FAM107B: variants seen among roughly 807,000 people sequenced by gnomAD.
FAM107B encodes protein FAM107B.
A neutral mutation model predicts 31.5 loss-of-function variants in FAM107B; 21 were observed. That is an observed-to-expected ratio of 0.67 (90% confidence interval 0.47 to 0.96). The LOEUF (loss-of-function observed/expected upper bound fraction) is 0.96, where lower values mean the gene tolerates loss of function less well. Ranked by LOEUF, FAM107B falls within the 40% of genes least tolerant of loss-of-function variation. The probability of loss-of-function intolerance (pLI) is 0.00; values close to 1 mark genes in which losing one functional copy is unlikely to be tolerated. For synonymous variants in FAM107B, 157 were observed against 141.5 expected (o/e 1.11, Z -0.78); for missense variants, 452 against 377.1 (o/e 1.20, Z -1.64).
chr10:14,672,953 C>G (rs1353174981), intron 1 of FAM107B, among the ~76,000 whole-genome samples: 1 of 152,132 alleles, frequency 6.6e-6, no homozygotes, highest in Non-Finnish European at 1.5e-5. Context: ...TTGTTGGAGA[C>G]AGAAATAGAA....
rs375601528 is a variant in FAM107B, at chr10:14,596,711, C to T, written c.470-66196G>A. 5.3e-5 allele frequency among the ~76,000 whole-genome samples: 8 copies of T among 152,270 alleles called. No individual in the cohort carries two copies. The East Asian group carries it at 5.8e-4, about 11-fold the overall frequency. The stretch of plus-strand genomic sequence containing the variant: ...GCACAGAATAACAGAATTCACCCAC[C>T]GCAGCAGGAACCTGAAAGATGATGT... On this transcript the variant is annotated intron_variant, in intron 2 of 4. Transcript: ENST00000181796.
At chr10:14,694,804 G>T (rs562668123) in intron 1 of FAM107B, among the ~76,000 whole-genome samples, 1 of 152,284 alleles carries the variant, frequency 6.6e-6, no homozygotes, top group African/African-American at 2.4e-5. Context: ...CATTTCTTTG[G>T]AGAAATGTCT....
intron 2 of FAM107B, among the ~76,000 whole-genome samples, chr10:14,604,617 G>A (rs1197840155): frequency 6.6e-6 from 1 of 151,922 alleles, no homozygotes; most frequent in Non-Finnish European, 1.5e-5. Context: ...CTCGGTGGGA[G>A]CGAGGGCTGG....
chr10:14,760,722 C>T (rs1354218415), intron 1 of FAM107B, among the ~76,000 whole-genome samples: 1 of 152,036 alleles, frequency 6.6e-6, no homozygotes, highest in Non-Finnish European at 1.5e-5. Flanking sequence ...TAATCTTGCA[C>T]TTAATGGGTT....
At chr10:14,581,825 T>A (rs1378325186) in intron 2 of FAM107B, among the ~76,000 whole-genome samples, 1 of 151,980 alleles carries the variant, frequency 6.6e-6, no homozygotes, top group African/African-American at 2.4e-5. Context: ...ATCACTTGAG[T>A]CCAGGAGTCC....
At chr10:14,735,037 G>A (rs1856266915) in intron 1 of FAM107B, among the ~76,000 whole-genome samples, 1 of 152,208 alleles carries the variant, frequency 6.6e-6, no homozygotes, top group Non-Finnish European at 1.5e-5. Context: ...TGTCCAGCAA[G>A]ATGTCATCCA....
chr10:14,536,913 A>C (rs1847673903), intron 2 of FAM107B, among the ~76,000 whole-genome samples: 1 of 152,212 alleles, frequency 6.6e-6, no homozygotes, highest in African/African-American at 2.4e-5. Context: ...GAAAGTATCA[A>C]ACTCATTTTC....
chr10:14,563,438 T>G (rs924704045), intron 2 of FAM107B, among the ~76,000 whole-genome samples: 2 of 152,216 alleles, frequency 1.3e-5, no homozygotes, highest in Admixed American at 1.3e-4. Context: ...AATAGATAAT[T>G]TATTACATTT....
At chr10:14,697,519 T>C (rs1855295470) in intron 1 of FAM107B, among the ~76,000 whole-genome samples, 1 of 152,232 alleles carries the variant, frequency 6.6e-6, no homozygotes, top group Admixed American at 6.5e-5. Context: ...TGTTCCAGAA[T>C]CTGTTTTTCT....
At chr10:14,572,761 T>TATGTATATATATATATATATATATA (rs1554835550) in intron 2 of FAM107B, among the ~76,000 whole-genome samples, 1 of 76,038 alleles carries the variant, frequency 1.3e-5, no homozygotes, top group Admixed American at 1.3e-4. Flanking sequence ...ATATATATAT[T>TATGTATATATATATATATATATATA]AGAGTGTGTG....
rs78683158 is a variant in FAM107B, at chr10:14,586,722, G to A, written c.470-56207C>T. On this transcript the variant is annotated intron_variant, in intron 2 of 4. Coordinates refer to ENST00000181796, the MANE Select transcript of FAM107B (RefSeq NM_031453.4). ...AAATAAATGCTGTTTAAGCCACCCC[G>A]TCTGTGGTATTTGTTACAGCAGCCC... 8.6e-3 allele frequency among the ~76,000 whole-genome samples: 1,302 copies of A among 152,216 alleles called. 23 individuals are homozygous for A. The highest frequency in any genetic ancestry group is 0.027 in the African/African-American group (1,122 of 41,514).
intron 2 of FAM107B, among the ~76,000 whole-genome samples, chr10:14,650,768 T>G (rs1360415822): frequency 6.6e-6 from 1 of 152,248 alleles, no homozygotes; most frequent in East Asian, 1.9e-4. Flanking sequence ...TCATTAGCTT[T>G]CTTTCTATTT....
intron 1 of FAM107B, among the ~76,000 whole-genome samples, chr10:14,763,088 C>T (rs1025523491): frequency 2.6e-5 from 4 of 152,038 alleles, no homozygotes; most frequent in African/African-American, 9.7e-5. Flanking sequence ...CATGGCAAAC[C>T]CCATCTCTAC....
chr10:14,731,577 A>C (rs1049106499), intron 1 of FAM107B, among the ~76,000 whole-genome samples: 4 of 152,126 alleles, frequency 2.6e-5, no homozygotes, highest in African/African-American at 4.8e-5. Flanking sequence ...ATAAATCAAT[A>C]AATAAATGAG....
At chr10:14,615,320 C>T (rs759988547) in intron 2 of FAM107B, among the ~76,000 whole-genome samples, 2 of 151,852 alleles carry the variant, frequency 1.3e-5, no homozygotes, top group Non-Finnish European at 2.9e-5. Context: ...CAAAGTGAGA[C>T]ACCATCTCAA....
intron 1 of FAM107B, among the ~76,000 whole-genome samples, chr10:14,695,662 C>T (rs1008175111): frequency 6.6e-5 from 10 of 152,136 alleles, no homozygotes; most frequent in Non-Finnish European, 1.3e-4. Context: ...CAATTTATTT[C>T]ACTAATGTTT....
At chr10:14,742,988 G>C (rs1192612816) in intron 1 of FAM107B, among the ~76,000 whole-genome samples, 1 of 151,526 alleles carries the variant, frequency 6.6e-6, no homozygotes, top group African/African-American at 2.4e-5. Context: ...CTTCCTCTTT[G>C]AGTTCTCTCT....
intron 2 of FAM107B, among the ~76,000 whole-genome samples, chr10:14,639,064 C>G (rs1853569437): frequency 6.6e-6 from 1 of 151,946 alleles, no homozygotes; most frequent in Non-Finnish European, 1.5e-5. Context: ...AGTGTTGTGC[C>G]CCACCTGTAG....
chr10:14,719,563 G>C (rs1293680691), intron 1 of FAM107B, among the ~76,000 whole-genome samples: 2 of 152,172 alleles, frequency 1.3e-5, no homozygotes, highest in Non-Finnish European at 2.9e-5. Flanking sequence ...GCCTCATCCT[G>C]TTCCTCCCAT....
Sources: allele counts gnomAD v4.1 joint callset (sites outside exome capture counted in the v4.1 genomes callset), GRCh38; gene constraint gnomAD v4.1.1; transcripts MANE v1.5; gene names NCBI Gene and HGNC (gene_info 2026-07-23, HGNC 2026-07-21).